Variants in PDZRN4 observed in about 807,000 individuals in gnomAD.
PDZRN4 encodes PDZ domain containing ring finger 4, also known as PDZ domain-containing RING finger protein 4.
Under a neutral mutation model 99.0 loss-of-function variants are expected in PDZRN4, and 70 were observed. That is an observed-to-expected ratio of 0.71 (90% CI 0.58 to 0.86). The LOEUF (loss-of-function observed/expected upper bound fraction) is 0.86. Ranked by LOEUF, PDZRN4 falls within the 40% of genes least tolerant of loss-of-function variation. PDZRN4 has a pLI of 0.00. For missense variants in PDZRN4, 1,474 were observed against 1,331.2 expected, an observed-to-expected ratio of 1.11 and a Z score of -1.67; for synonymous variants, 551 against 501.6, an observed-to-expected ratio of 1.10 and a Z score of -1.32.
At chr12:41,245,425 G>A (rs1951127694) in intron 3 of PDZRN4, among the ~76,000 whole-genome samples, 1 of 152,158 alleles carries the variant, frequency 6.6e-6, no homozygotes, top group Non-Finnish European at 1.5e-5. Flanking sequence ...TTTCAAGCAG[G>A]AAAGATGGAC....
At chr12:41,298,384 G>A (rs1951509502) in intron 3 of PDZRN4, among the ~76,000 whole-genome samples, 1 of 152,102 alleles carries the variant, frequency 6.6e-6, no homozygotes, top group Non-Finnish European at 1.5e-5. Context: ...GAATAATCCT[G>A]CATTAATAAA....
chr12:41,405,641 T>G (rs922470401), intron 3 of PDZRN4, among the ~76,000 whole-genome samples: 2 of 152,166 alleles, frequency 1.3e-5, no homozygotes, highest in African/African-American at 4.8e-5. Flanking sequence ...AAAAGACACA[T>G]GCGCTCATGT....
intron 8 of PDZRN4, among the ~76,000 whole-genome samples, chr12:41,565,440 A>G (rs1314646793): frequency 7.5e-6 from 1 of 133,464 alleles, no homozygotes; most frequent in African/African-American, 2.6e-5. Context: ...AAGTGGCAAA[A>G]AAAAAACTAA....
At chr12:41,387,060 G>A (rs965084720) in intron 3 of PDZRN4, among the ~76,000 whole-genome samples, 3 of 152,096 alleles carry the variant, frequency 2.0e-5, no homozygotes, top group African/African-American at 7.2e-5. Flanking sequence ...ATAGGCACGA[G>A]CAATGATTTT....
At chr12:41,341,156 C>A (rs1166802562) in intron 3 of PDZRN4, among the ~76,000 whole-genome samples, 2 of 98,102 alleles carry the variant, frequency 2.0e-5, no homozygotes, top group Non-Finnish European at 4.4e-5. Flanking sequence ...GTTCAACATC[C>A]TTTCATGATA....
At position 41,460,393 on chromosome 12, in the gene PDZRN4, C is replaced by T. The variant is rs1281056737; in HGVS notation, c.844-46063C>T. 2.6e-4 allele frequency among the ~76,000 whole-genome samples: 39 copies of T among 152,122 alleles called. 1 individual carries two copies. The highest frequency in any genetic ancestry group is 2.4e-3 in the Admixed American group (37 of 15,268). Reference sequence around the variant, plus strand: ...CTGGAAATGAGGCTTAATAGAGAAGCATTTCCTGAACGAAACTTCCTTTTT... The same window carrying T: ...CTGGAAATGAGGCTTAATAGAGAAGTATTTCCTGAACGAAACTTCCTTTTT... On this transcript the variant is annotated intron_variant, in intron 3 of 9. Transcript: ENST00000402685.
At chr12:41,388,581 A>C (rs917613784) in intron 3 of PDZRN4, among the ~76,000 whole-genome samples, 2 of 152,226 alleles carry the variant, frequency 1.3e-5, no homozygotes, top group African/African-American at 4.8e-5. Flanking sequence ...GTAAGGAACC[A>C]AAAGTGGAAG....
chr12:41,283,024 A>G (rs919644116), intron 3 of PDZRN4, among the ~76,000 whole-genome samples: 1 of 152,218 alleles, frequency 6.6e-6, no homozygotes, highest in Admixed American at 6.5e-5. Flanking sequence ...AACTAAGATG[A>G]CAATTGAACC....
At chr12:41,469,701 G>A (rs1055393272) in intron 3 of PDZRN4, among the ~76,000 whole-genome samples, 5 of 152,232 alleles carry the variant, frequency 3.3e-5, no homozygotes, top group Admixed American at 2.6e-4. Flanking sequence ...GGAGGCCGAG[G>A]GGGGCCGATC....
intron 3 of PDZRN4, among the ~76,000 whole-genome samples, chr12:41,391,101 C>T (rs963866540): frequency 6.6e-6 from 1 of 152,162 alleles, no homozygotes; most frequent in Non-Finnish European, 1.5e-5. Context: ...TCCATACCTG[C>T]ATGCTTTATA....
chr12:41,293,604 C>T (rs1187652654), intron 3 of PDZRN4, among the ~76,000 whole-genome samples: 1 of 152,066 alleles, frequency 6.6e-6, no homozygotes, highest in Non-Finnish European at 1.5e-5. Flanking sequence ...ACCATTAATG[C>T]ATATCCCTGG....
intron 2 of PDZRN4, 71 bp from the exon 3 acceptor site, chr12:41,194,010 T>C: frequency 1.4e-6 from 1 of 717,212 alleles, no homozygotes; most frequent in Non-Finnish European, 2.5e-6. Context: ...ATGTTACATT[T>C]GGTAAATTGT....
At chr12:41,482,758 G>A (rs1386972857) in intron 3 of PDZRN4, among the ~76,000 whole-genome samples, 1 of 151,970 alleles carries the variant, frequency 6.6e-6, no homozygotes, top group Non-Finnish European at 1.5e-5. Context: ...ATACATTATA[G>A]AAGAAGAAAA....
chr12:41,339,647 A>G (rs1308056926), intron 3 of PDZRN4, among the ~76,000 whole-genome samples: 1 of 152,040 alleles, frequency 6.6e-6, no homozygotes, highest in Admixed American at 6.6e-5. Context: ...CAGACAACCC[A>G]TAGAATGGGG....
intron 3 of PDZRN4, among the ~76,000 whole-genome samples, chr12:41,310,484 A>C (rs1345033812): frequency 1.3e-5 from 2 of 151,830 alleles, no homozygotes; most frequent in East Asian, 3.9e-4. Flanking sequence ...TAACCCTTCC[A>C]CACTTGCGAA....
chr12:41,434,160 C>T (rs979942818), intron 3 of PDZRN4, among the ~76,000 whole-genome samples: 7 of 152,106 alleles, frequency 4.6e-5, no homozygotes, highest in Admixed American at 3.9e-4. Context: ...ACTTCCTCTT[C>T]GTCTTCTCTC....
rs148145167 is a variant in PDZRN4 at position 41,572,685 on chromosome 12, A to C, written c.1906A>C (p.Lys636Gln). 423 of 1,614,182 alleles carry C rather than the reference A, an allele frequency of 2.6e-4. 4 individuals are homozygous for C. The African/African-American group carries it at 5.1e-3, about 19-fold the overall frequency. Residue 636 changes from lysine (K) to glutamine (Q), a missense_variant, in exon 10 of 10, where the codon AAG (lysine) becomes CAG (glutamine). Lys to Gln is a moderately conservative substitution (Grantham distance 53). Coordinates refer to ENST00000402685, the MANE Select transcript of PDZRN4 (RefSeq NM_001164595.2). ...CAGGCAGCTCTTGGAGCTCAAATGCAAGATTCGAAATCATGGAGAGTATGA... is the reference window on the plus strand; with the variant it reads ...CAGGCAGCTCTTGGAGCTCAAATGCCAGATTCGAAATCATGGAGAGTATGA... The part of the protein sequence containing the change: ...RFRQLLELKC[K>Q]IRNHGEYDLY...
In PDZRN4 at chr12:41,322,957, A is replaced by G. The variant is rs1197363753; in HGVS notation, c.843+128769A>G. ...AGATTGTTTTAAAATCTTGAAAATGATATCTACTGGATTGCTAGAGTAATG... is the reference window on the plus strand; with the variant it reads ...AGATTGTTTTAAAATCTTGAAAATGGTATCTACTGGATTGCTAGAGTAATG... On this transcript the variant is annotated intron_variant, in intron 3 of 9. Transcript: ENST00000402685. Among the ~76,000 whole-genome samples the G allele has an allele frequency of 4.6e-5, 7 of 152,208 alleles. No individual in the cohort carries two copies. In the South Asian group the frequency reaches 6.2e-4, roughly 14 times the overall value.
intron 3 of PDZRN4, among the ~76,000 whole-genome samples, chr12:41,285,782 A>G (rs2120896139): frequency 6.6e-6 from 1 of 152,140 alleles, no homozygotes; most frequent in Middle Eastern, 3.4e-3. Flanking sequence ...GTTCTCACTC[A>G]TAAGTAGGAG....
Sources: allele counts gnomAD v4.1 joint callset (sites outside exome capture counted in the v4.1 genomes callset), GRCh38; gene constraint gnomAD v4.1.1; transcripts MANE v1.5; gene names NCBI Gene and HGNC (gene_info 2026-07-23, HGNC 2026-07-21).